SMAP1: variants seen among roughly 807,000 people sequenced by gnomAD.
The protein encoded by SMAP1 is small ArfGAP 1.
SMAP1 carries 24 observed loss-of-function variants against 58.5 expected under a neutral mutation model. The ratio of observed to expected loss-of-function variants is 0.41; its 90% CI spans 0.30 to 0.58. The LOEUF (loss-of-function observed/expected upper bound fraction) is 0.58. Ranked by LOEUF, SMAP1 falls within the 20% of genes least tolerant of loss-of-function variation. SMAP1 has a pLI of 0.29. For synonymous variants in SMAP1, 216 were observed against 196.6 expected, an observed-to-expected ratio of 1.10 and a Z score of -0.82; for missense variants, 563 against 566.3, an observed-to-expected ratio of 0.99 and a Z score of 0.06.
intron 1 of SMAP1, among the ~76,000 whole-genome samples, chr6:70,696,342 C>T (rs1036247416): frequency 6.6e-6 from 1 of 151,912 alleles, no homozygotes; most frequent in Admixed American, 6.6e-5. Flanking sequence ...CATTATGTTG[C>T]TTATTTGAAG....
At chr6:70,826,393 A>ATT (rs5877261) in intron 6 of SMAP1, among the ~76,000 whole-genome samples, 6 of 144,918 alleles carry the variant, frequency 4.1e-5, no homozygotes, top group African/African-American at 1.5e-4. Context: ...ATTCAAAAGG[A>ATT]TTTTTTTTTT....
intron 3 of SMAP1, among the ~76,000 whole-genome samples, chr6:70,760,960 T>A (rs1160775252): frequency 1.3e-5 from 2 of 152,058 alleles, no homozygotes; most frequent in Non-Finnish European, 2.9e-5. Flanking sequence ...TTGTCTTATC[T>A]AAAAAACTTT....
chr6:70,858,162 A>G lies in SMAP1; in HGVS notation c.1202A>G (p.Gln401Arg), dbSNP rs1444532218. 1.9e-6 allele frequency: 3 copies of G among 1,614,042 alleles called. No homozygotes were observed. In the East Asian group the frequency reaches 6.7e-5, roughly 36 times the overall value. ...VVGPQGGMVG[Q>R]MGAPQSKFGL... is the part of the protein sequence containing the mutation. ...GGCCCCCAAGGAGGAATGGTGGGACAAATGGGTGCACCCCAGAGTAAGTTT... is the reference window on the plus strand; with the variant it reads ...GGCCCCCAAGGAGGAATGGTGGGACGAATGGGTGCACCCCAGAGTAAGTTT... The change falls in exon 10 of 11, where the codon CAA becomes CGA. Residue 401 changes from glutamine (Q) to arginine (R), a missense_variant. By Grantham distance (43) the Gln-to-Arg change is conservative (BLOSUM62 1). Coordinates refer to ENST00000370455, the MANE Select transcript of SMAP1 (RefSeq NM_001044305.3).
At chr6:70,791,899 A>G (rs574422981) in intron 5 of SMAP1, 130 bp downstream of exon 5, 189 of 657,720 alleles carry the variant, frequency 2.9e-4, no homozygotes, top group Non-Finnish European at 3.8e-4. Context: ...TTAAAACAGC[A>G]ATTTCTAGAA....
intron 5 of SMAP1, among the ~76,000 whole-genome samples, chr6:70,798,027 C>T (rs868603146): frequency 6.6e-6 from 1 of 152,012 alleles, no homozygotes; most frequent in Non-Finnish European, 1.5e-5. Context: ...TTGTGAATAT[C>T]ATAATGCCAT....
chr6:70,729,487 G>GTGTGTGTGTGTGTGTA (rs1244017663), intron 1 of SMAP1, among the ~76,000 whole-genome samples: 2 of 150,864 alleles, frequency 1.3e-5, no homozygotes, highest in South Asian at 2.1e-4. Flanking sequence ...GTGTGTGTGT[G>GTGTGTGTGTGTGTGTA]TGTGTGTATG....
chr6:70,800,749 G>A (rs1768808510), intron 6 of SMAP1, among the ~76,000 whole-genome samples: 1 of 148,468 alleles, frequency 6.7e-6, no homozygotes, highest in South Asian at 2.1e-4. Context: ...TCCCACCTAT[G>A]AGTGAGAACA....
intron 3 of SMAP1, among the ~76,000 whole-genome samples, chr6:70,770,906 G>A (rs1034872429): frequency 3.3e-5 from 5 of 152,090 alleles, no homozygotes; most frequent in African/African-American, 7.2e-5. Flanking sequence ...TTTGATGATG[G>A]TGACGTACAG....
At chr6:70,773,165 G>A (rs2149914570) in intron 3 of SMAP1, 185 bp from the exon 4 acceptor site, 1 of 460,946 alleles carries the variant, frequency 2.2e-6, no homozygotes, top group Non-Finnish European at 3.9e-6. Context: ...TCCTGAAAGA[G>A]GTAGACTTCT....
At position 70,858,211 on chromosome 6, in the gene SMAP1, C is replaced by A; in HGVS notation, c.1251C>A (p.Pro417=). The A allele has an allele frequency of 6.2e-7, 1 of 1,613,316 alleles. No individual in the cohort carries two copies. The change falls in exon 10 of 11, where the codon CCC becomes CCA. Residue 417 remains proline, a synonymous_variant. Coordinates refer to ENST00000370455, the MANE Select transcript of SMAP1 (RefSeq NM_001044305.3). ...TTGGCCTGCCGCAAGCTCAGCAGCC[C>A]CAGTGGAGCCTCTCACAGGTAGGGG... ...SKFGLPQAQQ[P]QWSLSQMNQQ...
At chr6:70,706,681 G>GAA (rs199539405) in intron 1 of SMAP1, among the ~76,000 whole-genome samples, 1 of 152,090 alleles carries the variant, frequency 6.6e-6, no homozygotes, top group Non-Finnish European at 1.5e-5. Flanking sequence ...TTAAACAAAT[G>GAA]AAAAAATATA....
intron 1 of SMAP1, among the ~76,000 whole-genome samples, chr6:70,680,108 ACAACAAC>A (rs1455816583): frequency 6.8e-6 from 1 of 146,922 alleles, no homozygotes; most frequent in Non-Finnish European, 1.5e-5. Context: ...CTTTTCAACA[ACAACAAC>A]AACAACAACA....
chr6:70,784,912 A>G (rs1476540371), intron 4 of SMAP1, among the ~76,000 whole-genome samples: 1 of 152,196 alleles, frequency 6.6e-6, no homozygotes, highest in Non-Finnish European at 1.5e-5. Context: ...AAAGTTAACA[A>G]GGATACCCAG....
At chr6:70,726,539 C>T (rs1312661068) in intron 1 of SMAP1, among the ~76,000 whole-genome samples, 1 of 152,156 alleles carries the variant, frequency 6.6e-6, no homozygotes, top group Non-Finnish European at 1.5e-5. Flanking sequence ...ATTCTTTGTT[C>T]CTCATCGTAT....
intron 6 of SMAP1, among the ~76,000 whole-genome samples, chr6:70,826,582 G>A (rs564882979): frequency 3.9e-5 from 6 of 151,938 alleles, no homozygotes; most frequent in African/African-American, 1.4e-4. Context: ...TGGGCAACAT[G>A]GTGAAATTCC....
At chr6:70,788,371 A>G (rs1768171518) in intron 4 of SMAP1, among the ~76,000 whole-genome samples, 2 of 151,612 alleles carry the variant, frequency 1.3e-5, no homozygotes, top group African/African-American at 4.8e-5. Flanking sequence ...TAATGGGTGC[A>G]GCACACCAAC....
At chr6:70,699,380 G>A (rs1767536070) in intron 1 of SMAP1, among the ~76,000 whole-genome samples, 2 of 152,078 alleles carry the variant, frequency 1.3e-5, no homozygotes, top group African/African-American at 4.8e-5. Flanking sequence ...AGTCTTACCC[G>A]GGACCTGTGG....
chr6:70,679,274 C>A (rs1264691313), intron 1 of SMAP1, among the ~76,000 whole-genome samples: 1 of 152,120 alleles, frequency 6.6e-6, no homozygotes, highest in Non-Finnish European at 1.5e-5. Context: ...CTGCCTTGGC[C>A]TCCCAAAGTG....
rs549181598 is a variant in SMAP1 at position 70,793,025 on chromosome 6, AATTTTATTTT to A, written c.495+1272_495+1281del. Among the ~76,000 whole-genome samples the A allele has an allele frequency of 1.6e-3, 241 of 151,864 alleles. 1 individual carries two copies. The highest frequency in any genetic ancestry group is 5.6e-3 in the African/African-American group (230 of 41,432). ...AATGTAAAAGAGAGTGTAATTTTTA[AATTTTATTTT>A]ATTTTATTTTATTTTTTTGAGACGG... On this transcript the variant is annotated intron_variant, in intron 5 of 10. Transcript: ENST00000370455.
Sources: gnomAD v4.1 joint callset for allele counts (sites outside exome capture counted in the v4.1 genomes callset) on GRCh38, gnomAD v4.1.1 for gene constraint, MANE v1.5 for transcripts, NCBI Gene and HGNC (gene_info 2026-07-23, HGNC 2026-07-21) for gene names.